BABAM2: variants seen among roughly 807,000 people sequenced by gnomAD.
BABAM2 encodes the protein BRISC and BRCA1 A complex member 2, also known as BRISC and BRCA1-A complex member 2.
A neutral mutation model predicts 54.7 loss-of-function variants in BABAM2; 31 were observed. The observed-to-expected ratio is 0.57, with a 90% CI of 0.43 to 0.77. The LOEUF is 0.77. Ranked by LOEUF, BABAM2 falls within the 30% of genes least tolerant of loss-of-function variation. The pLI is 0.00. For synonymous variants in BABAM2, 167 were observed against 162.9 expected (o/e 1.03, Z -0.19); for missense variants, 364 against 455.8 (o/e 0.80, Z 1.83).
intron 7 of BABAM2, among the ~76,000 whole-genome samples, chr2:28,231,124 T>G (rs1681344779): frequency 6.6e-6 from 1 of 152,176 alleles, no homozygotes; most frequent in South Asian, 2.1e-4. Context: ...GAATGTCAGT[T>G]TTCTCATCTG....
At chr2:28,063,440 T>C (rs1186136005) in intron 6 of BABAM2, among the ~76,000 whole-genome samples, 1 of 152,266 alleles carries the variant, frequency 6.6e-6, no homozygotes, top group East Asian at 1.9e-4. Context: ...AAATTGTTAA[T>C]GACTCATTGT....
chr2:28,243,838 G>T (rs1253444463), intron 9 of BABAM2, among the ~76,000 whole-genome samples: 1 of 152,154 alleles, frequency 6.6e-6, no homozygotes, highest in Admixed American at 6.5e-5. Flanking sequence ...TTTATAAGGG[G>T]TATAACTGTT....
intron 3 of BABAM2, among the ~76,000 whole-genome samples, chr2:27,942,225 C>T (rs910295626): frequency 1.1e-4 from 17 of 152,194 alleles, no homozygotes; most frequent in South Asian, 6.2e-4. Flanking sequence ...AAACTGATGG[C>T]GCCTGGAGGA....
chr2:28,156,867 A>G (rs1333339478), intron 7 of BABAM2, among the ~76,000 whole-genome samples: 1 of 152,188 alleles, frequency 6.6e-6, no homozygotes, highest in Non-Finnish European at 1.5e-5. Context: ...GCCAAGTTTG[A>G]TTCTGTATTA....
At chr2:28,269,549 C>T (rs200831381) in intron 10 of BABAM2, among the ~76,000 whole-genome samples, 9 of 152,164 alleles carry the variant, frequency 5.9e-5, no homozygotes, top group Admixed American at 2.0e-4. Flanking sequence ...GAGTGACTTT[C>T]GGTCTCTTGG....
intron 7 of BABAM2, among the ~76,000 whole-genome samples, chr2:28,141,205 G>A (rs1671023710): frequency 6.6e-6 from 1 of 152,086 alleles, no homozygotes. Flanking sequence ...ATATGTATAT[G>A]TGTGTATATA....
intron 6 of BABAM2, among the ~76,000 whole-genome samples, chr2:28,112,927 G>A (rs1668263321): frequency 6.6e-6 from 1 of 152,164 alleles, no homozygotes; most frequent in Admixed American, 6.5e-5. Context: ...TCTCATTGTG[G>A]CTTTGATTTG....
intron 3 of BABAM2, among the ~76,000 whole-genome samples, chr2:27,950,765 C>T (rs1669652981): frequency 6.6e-6 from 1 of 151,794 alleles, no homozygotes; most frequent in Admixed American, 6.6e-5. Context: ...CCAGTGAAAC[C>T]ATCTGGGCCT....
At chr2:28,135,783 C>A (rs1430075456) in intron 7 of BABAM2, among the ~76,000 whole-genome samples, 3 of 152,102 alleles carry the variant, frequency 2.0e-5, no homozygotes, top group African/African-American at 7.2e-5. Flanking sequence ...GACTAAAAAC[C>A]CACTCTCCAC....
chr2:27,890,367 A>C, upstream of BABAM2: 1 of 1,608,908 alleles, frequency 6.2e-7, no homozygotes, highest in Non-Finnish European at 8.5e-7. This position sits in a 1 kb window ranked among gnomAD's most constrained non-coding sequence, Gnocchi z 4.8. Context: ...GCTGCTGTCC[A>C]ACCTGGACGG....
intron 3 of BABAM2, among the ~76,000 whole-genome samples, chr2:27,971,694 GTT>G (rs994032875): frequency 6.9e-6 from 1 of 143,918 alleles, no homozygotes; most frequent in African/African-American, 2.5e-5. Context: ...TTTCCCATGT[GTT>G]TTTTTTTTTC....
intron 6 of BABAM2, among the ~76,000 whole-genome samples, chr2:28,068,118 A>T (rs1167590193): frequency 1.3e-5 from 2 of 152,178 alleles, no homozygotes; most frequent in Non-Finnish European, 2.9e-5. Flanking sequence ...CATAAAAGGG[A>T]ATATAATGCT....
intron 11 of BABAM2, among the ~76,000 whole-genome samples, chr2:28,316,828 A>G (rs1689599671): frequency 6.6e-6 from 1 of 152,194 alleles, no homozygotes; most frequent in South Asian, 2.1e-4. Context: ...GATCATGGAT[A>G]TCGAAGCCAG....
intron 1 of BABAM2, among the ~76,000 whole-genome samples, chr2:27,892,871 A>G (rs1184436418): frequency 6.6e-6 from 1 of 152,220 alleles, no homozygotes; most frequent in African/African-American, 2.4e-5. Context: ...TACAAAAAGG[A>G]TGATTTTAGA....
At position 28,069,017 on chromosome 2, in the gene BABAM2, C is replaced by T. The variant is rs139964437; in HGVS notation, c.570+23218C>T. The stretch of plus-strand genomic sequence containing the variant: ...TTTTCAGGATAATGGAGACTCCTGG[C>T]AAACTGAATAAAGATAGCTATCCAT... On this transcript the variant is annotated intron_variant, in intron 6 of 11. Transcript: ENST00000379624. Among the ~76,000 whole-genome samples the T allele has an allele frequency of 6.3e-3, 962 of 152,242 alleles. 7 individuals are homozygous for T. The highest frequency in any genetic ancestry group is 7.9e-3 in the Non-Finnish European group (537 of 68,004).
intron 7 of BABAM2, among the ~76,000 whole-genome samples, chr2:28,162,437 A>G (rs952654885): frequency 6.6e-6 from 1 of 152,208 alleles, no homozygotes; most frequent in Non-Finnish European, 1.5e-5. Context: ...TTACCCAGGC[A>G]TGAGGATAGT....
chr2:28,149,064 C>T (rs1166601591), intron 7 of BABAM2, among the ~76,000 whole-genome samples: 1 of 152,124 alleles, frequency 6.6e-6, no homozygotes, highest in Non-Finnish European at 1.5e-5. Context: ...TGTCACTCAT[C>T]ACAGTAAAGA....
At chr2:28,058,385 G>T (rs576949313) in intron 6 of BABAM2, among the ~76,000 whole-genome samples, 29 of 152,124 alleles carry the variant, frequency 1.9e-4, no homozygotes, top group African/African-American at 6.7e-4. Flanking sequence ...TTTAGGAATA[G>T]AAATCAGCCA....
rs188777369 is a variant in BABAM2 at position 28,102,222 on chromosome 2, T to C, written c.571-27049T>C. Among the ~76,000 whole-genome samples the C allele has an allele frequency of 1.3e-3, 201 of 152,314 alleles. 1 individual carries two copies. The highest frequency in any genetic ancestry group is 3.4e-4 in the Non-Finnish European group (23 of 68,030). On this transcript the variant is annotated intron_variant, in intron 6 of 11. Transcript: ENST00000379624. ...AATAAATAAATGAATAATGAAACGC[T>C]TTTTCACTGTGCTTGGGTAATACAT...
Sources: gnomAD v4.1 joint callset for allele counts (sites outside exome capture counted in the v4.1 genomes callset) on GRCh38, gnomAD v4.1.1 for gene constraint, Gnocchi (gnomAD v3.1) non-coding constraint, MANE v1.5 for transcripts, NCBI Gene and HGNC (gene_info 2026-07-23, HGNC 2026-07-21) for gene names.